Variants in NBEA observed in about 807,000 individuals in gnomAD.
NBEA encodes the protein lysosomal-trafficking regulator 2.
Under a neutral mutation model 343.4 loss-of-function variants are expected in NBEA, and 44 were observed. That is an observed-to-expected ratio of 0.13 (90% CI 0.10 to 0.16). The LOEUF is 0.16. NBEA is among the 10% of genes least tolerant of loss of function. NBEA has a pLI of 1.00. For synonymous variants in NBEA, 1,175 were observed against 1,238.7 expected, an observed-to-expected ratio of 0.95 and a Z score of 1.08; for missense variants, 2,555 against 3,631.3, an observed-to-expected ratio of 0.70 and a Z score of 7.62.
intron 36 of NBEA, among the ~76,000 whole-genome samples, chr13:35,321,449 T>C (rs2038133984): frequency 6.6e-6 from 1 of 152,184 alleles, no homozygotes; most frequent in Non-Finnish European, 1.5e-5. Context: ...GATTACTGCC[T>C]GTTCCTTCCT....
At chr13:35,330,504 A>G (rs2038860113) in intron 36 of NBEA, among the ~76,000 whole-genome samples, 1 of 151,890 alleles carries the variant, frequency 6.6e-6, no homozygotes, top group Non-Finnish European at 1.5e-5. Context: ...TCCAGTGTTA[A>G]TTCACTCTCA....
At chr13:35,263,052 A>G (rs185950967) in intron 34 of NBEA, among the ~76,000 whole-genome samples, 1 of 152,348 alleles carries the variant, frequency 6.6e-6, no homozygotes, top group East Asian at 1.9e-4. Context: ...TGAGAGGCAC[A>G]CACATCCTAA....
At chr13:35,238,977 A>C (rs1325220324) in intron 34 of NBEA, among the ~76,000 whole-genome samples, 1 of 152,150 alleles carries the variant, frequency 6.6e-6, no homozygotes, top group Non-Finnish European at 1.5e-5. Context: ...GTAGCATTAT[A>C]GGCACATAAT....
chr13:35,129,325 T>C (rs1394179362), intron 17 of NBEA, among the ~76,000 whole-genome samples: 2 of 152,062 alleles, frequency 1.3e-5, no homozygotes, highest in African/African-American at 2.4e-5. Flanking sequence ...TCCTATTAAA[T>C]ATATAGGTGT....
At chr13:35,497,174 AC>A (rs1374278189) in intron 41 of NBEA, among the ~76,000 whole-genome samples, 5 of 152,090 alleles carry the variant, frequency 3.3e-5, no homozygotes, top group Admixed American at 6.6e-5. Flanking sequence ...GAACATTGCC[AC>A]TTAAAGTGAT....
chr13:35,633,846 G>C (rs1197948572), intron 49 of NBEA, among the ~76,000 whole-genome samples: 2 of 152,010 alleles, frequency 1.3e-5, no homozygotes, highest in African/African-American at 4.8e-5. Flanking sequence ...TAAAAAATCT[G>C]TTAGCAACAG....
At chr13:35,099,154 C>T (rs1305304697) in intron 11 of NBEA, among the ~76,000 whole-genome samples, 2 of 150,654 alleles carry the variant, frequency 1.3e-5, no homozygotes, top group African/African-American at 4.9e-5. Flanking sequence ...CTCAGCCTCC[C>T]GAGTGTCTGG....
intron 46 of NBEA, among the ~76,000 whole-genome samples, chr13:35,584,434 T>G (rs1283739574): frequency 1.3e-5 from 2 of 151,546 alleles, no homozygotes; most frequent in African/African-American, 2.4e-5. Context: ...TCTTCCTGCC[T>G]CAGCCTCCCG....
chr13:35,256,082 A>T (rs1057194005), intron 34 of NBEA, among the ~76,000 whole-genome samples: 24 of 152,134 alleles, frequency 1.6e-4, no homozygotes, highest in Non-Finnish European at 2.9e-4. Context: ...CAGAGAGGAG[A>T]CCCAGAGTGG....
intron 1 of NBEA, among the ~76,000 whole-genome samples, chr13:34,992,623 T>C (rs932534738): frequency 6.6e-6 from 1 of 151,928 alleles, no homozygotes; most frequent in Non-Finnish European, 1.5e-5. Flanking sequence ...AATAGTGCCC[T>C]TCAGTGTTTA....
intron 36 of NBEA, among the ~76,000 whole-genome samples, chr13:35,327,620 C>G (rs2038655742): frequency 6.6e-6 from 1 of 151,858 alleles, no homozygotes; most frequent in Admixed American, 6.6e-5. Context: ...ACACTAGGTA[C>G]TACTTGAGGA....
chr13:35,056,291 A>G (rs540569125), intron 7 of NBEA, among the ~76,000 whole-genome samples, 162 bp downstream of exon 7: 1 of 152,234 alleles, frequency 6.6e-6, no homozygotes, highest in East Asian at 1.9e-4. Flanking sequence ...GTATAAGAAA[A>G]TTTCTAAAAG....
chr13:35,388,046 T>C (rs753065689), intron 38 of NBEA, among the ~76,000 whole-genome samples: 2 of 152,180 alleles, frequency 1.3e-5, no homozygotes, highest in Non-Finnish European at 2.9e-5. Flanking sequence ...ATAGAATTTT[T>C]TTAAATTTCC....
At chr13:35,250,221 C>T (rs912461314) in intron 34 of NBEA, among the ~76,000 whole-genome samples, 1 of 151,964 alleles carries the variant, frequency 6.6e-6, no homozygotes, top group Non-Finnish European at 1.5e-5. Flanking sequence ...TATTTTACTA[C>T]AATTTTAATT....
At chr13:35,549,803 C>A (rs1169902668) in intron 41 of NBEA, among the ~76,000 whole-genome samples, 1 of 152,208 alleles carries the variant, frequency 6.6e-6, no homozygotes, top group Admixed American at 6.5e-5. Context: ...TTTGGGGAAG[C>A]AGGGAATAAC....
At chr13:35,432,427 C>G (rs1236494732) in intron 39 of NBEA, 34 bp downstream of exon 39, 2 of 1,531,840 alleles carry the variant, frequency 1.3e-6, no homozygotes, top group Non-Finnish European at 1.8e-6. Context: ...AAAAATACTT[C>G]TGGATGTGAG....
intron 55 of NBEA, among the ~76,000 whole-genome samples, chr13:35,660,404 C>A (rs1006742640): frequency 6.6e-6 from 1 of 152,214 alleles, no homozygotes; most frequent in African/African-American, 2.4e-5. Flanking sequence ...ATCTTTTCAA[C>A]TCAAATCTAC....
intron 1 of NBEA, among the ~76,000 whole-genome samples, chr13:34,987,927 A>G (rs7330141): frequency 0.92 from 139,187 of 150,512 alleles, 65,031 homozygotes; most frequent in Non-Finnish European, 0.99. Context: ...GCTTCCTTGC[A>G]ATGGGTTTGA....
At chr13:35,449,109 G>T (rs1175433523) in intron 39 of NBEA, among the ~76,000 whole-genome samples, 1 of 152,164 alleles carries the variant, frequency 6.6e-6, no homozygotes, top group Admixed American at 6.5e-5. Context: ...AGGAAGGTGT[G>T]GTGAAAACAC....
Sources: gnomAD v4.1 joint callset for allele counts (sites outside exome capture counted in the v4.1 genomes callset) on GRCh38, gnomAD v4.1.1 for gene constraint, MANE v1.5 for transcripts, NCBI Gene and HGNC (gene_info 2026-07-23, HGNC 2026-07-21) for gene names.